Variants in PDGFC observed in about 807,000 individuals in gnomAD.
PDGFC encodes the protein platelet-derived growth factor C.
A neutral mutation model predicts 35.5 loss-of-function variants in PDGFC; 12 were observed. That is an observed-to-expected ratio of 0.34 (90% CI 0.22 to 0.55). The LOEUF (loss-of-function observed/expected upper bound fraction) is 0.55. PDGFC is among the 20% of genes least tolerant of loss of function. PDGFC has a pLI of 0.91. For synonymous variants in PDGFC, 159 were observed against 148.8 expected (o/e 1.07, Z -0.50); for missense variants, 322 against 412.4 (o/e 0.78, Z 1.90).
chr4:156,968,233 A>C (rs1203551545), intron 1 of PDGFC, among the ~76,000 whole-genome samples: 1 of 152,192 alleles, frequency 6.6e-6, no homozygotes, highest in Non-Finnish European at 1.5e-5. Flanking sequence ...AAGAAAAGAG[A>C]GTATCATGAG....
intron 3 of PDGFC, chr4:156,778,125 T>C (rs1730875414): frequency 1.6e-5 from 4 of 252,108 alleles, no homozygotes; most frequent in South Asian, 1.0e-4. Flanking sequence ...AATAAAAAAA[T>C]AAAAAATAAG....
chr4:156,925,666 A>G (rs1184271297), intron 1 of PDGFC, among the ~76,000 whole-genome samples: 1 of 151,934 alleles, frequency 6.6e-6, no homozygotes, highest in African/African-American at 2.4e-5. Flanking sequence ...AGATATAGAT[A>G]CATGGAGATC....
At chr4:156,967,049 A>C (rs1732484403) in intron 1 of PDGFC, among the ~76,000 whole-genome samples, 1 of 151,346 alleles carries the variant, frequency 6.6e-6, no homozygotes, top group Non-Finnish European at 1.5e-5. Context: ...TTTGTAAAAA[A>C]GCCTTTAAAC....
At position 156,971,394 on chromosome 4, in the gene PDGFC, C is replaced by G. The variant is rs1252236764; in HGVS notation, c.-491G>C. 2 of 394,514 alleles carry G rather than the reference C, an allele frequency of 5.1e-6. No homozygotes were observed. Among genetic ancestry groups the G allele is most frequent in the East Asian group, 3.6e-5 (1 of 27,750 alleles). The allele number at this position is 394,514 out of a possible 1,614,324, so 24.4% of individuals were successfully genotyped here. ...CTGCCAATAGATGCGGCTCTCCGGG[C>G]GCCCCTCTCCCCCGCCCCACCCCCC... On this transcript the variant is annotated 5_prime_UTR_variant, in exon 1 of 6. Transcript: ENST00000502773.
intron 5 of PDGFC, among the ~76,000 whole-genome samples, chr4:156,767,486 ATT>A (rs3836683): frequency 1.3e-5 from 2 of 150,626 alleles, no homozygotes; most frequent in African/African-American, 4.9e-5. Flanking sequence ...AACTTTACTC[ATT>A]TTTTTTTCCC....
intron 1 of PDGFC, among the ~76,000 whole-genome samples, chr4:156,857,529 A>T (rs904948809): frequency 3.5e-4 from 53 of 152,190 alleles, no homozygotes; most frequent in African/African-American, 1.2e-3. Context: ...GAACTCAACC[A>T]CCAGCCTCTT....
At chr4:156,938,963 C>T (rs923226963) in intron 1 of PDGFC, among the ~76,000 whole-genome samples, 1 of 151,256 alleles carries the variant, frequency 6.6e-6, no homozygotes, top group Non-Finnish European at 1.5e-5. Context: ...GAGTAAAAAC[C>T]ACAATCCCAT....
rs527805093 is a variant in PDGFC at position 156,967,004 on chromosome 4, G to A, written c.118+3782C>T. Among the ~76,000 whole-genome samples the A allele has an allele frequency of 2.3e-4, 35 of 149,310 alleles. No individual in the cohort carries two copies. The South Asian group carries it at 7.3e-3, about 31-fold the overall frequency. Reference sequence around the variant, plus strand: ...ACTTCCTCAACTATTTCAAACAGCAGAGAACCAGGAGGAAGTTTTTTCTTT... The same window carrying A: ...ACTTCCTCAACTATTTCAAACAGCAAAGAACCAGGAGGAAGTTTTTTCTTT... On this transcript the variant is annotated intron_variant, in intron 1 of 5. Coordinates refer to ENST00000502773, the MANE Select transcript of PDGFC (RefSeq NM_016205.3).
intron 1 of PDGFC, among the ~76,000 whole-genome samples, chr4:156,857,928 CAAAT>C (rs1272209160): frequency 6.6e-6 from 1 of 152,014 alleles, no homozygotes; most frequent in African/African-American, 2.4e-5. Flanking sequence ...GATCCGATCT[CAAAT>C]AACACAATAA....
intron 3 of PDGFC, among the ~76,000 whole-genome samples, chr4:156,809,677 A>G (rs1393423951): frequency 1.3e-5 from 2 of 151,158 alleles, no homozygotes; most frequent in African/African-American, 4.9e-5. Flanking sequence ...TCCTTGGGTT[A>G]TACAACCAGA....
intron 1 of PDGFC, among the ~76,000 whole-genome samples, chr4:156,927,000 T>C (rs1731431461): frequency 6.6e-6 from 1 of 152,170 alleles, no homozygotes; most frequent in African/African-American, 2.4e-5. Flanking sequence ...TCTTCTGAAA[T>C]CTAGGTGGAG....
At chr4:156,922,155 A>AGTGTGTGTGTGTGT (rs3070262) in intron 1 of PDGFC, among the ~76,000 whole-genome samples, 167 of 145,370 alleles carry the variant, frequency 1.1e-3, no homozygotes, top group African/African-American at 4.2e-3. Context: ...AAGGATTCAT[A>AGTGTGTGTGTGTGT]GTGTGTGTGT....
At chr4:156,813,094 G>A (rs983618369) in intron 2 of PDGFC, among the ~76,000 whole-genome samples, 2 of 152,044 alleles carry the variant, frequency 1.3e-5, no homozygotes, top group African/African-American at 4.8e-5. Flanking sequence ...GTTCGGGGAT[G>A]GTGGGTATAG....
rs968298621 is a variant in PDGFC at position 156,971,102 on chromosome 4, T to G, written c.-199A>C. 1.3e-4 allele frequency: 70 copies of G among 552,462 alleles called. No homozygotes were observed. The highest frequency in any genetic ancestry group is 3.0e-5 in the Admixed American group (1 of 33,076). The allele number at this position is 552,462 out of a possible 1,614,324, so 34.2% of individuals were successfully genotyped here. On this transcript the variant is annotated 5_prime_UTR_variant, in exon 1 of 6. Transcript: ENST00000502773. ...AGAGCCCTCTTCTGTGTCTCCAGTT[T>G]TTGAAAAGGATCAAAGCAAAACCTG...
At chr4:156,791,902 A>G (rs984423844) in intron 3 of PDGFC, among the ~76,000 whole-genome samples, 3 of 152,212 alleles carry the variant, frequency 2.0e-5, no homozygotes, top group Non-Finnish European at 4.4e-5. Context: ...CTTGCCTAGG[A>G]TTGGCCTGAA....
chr4:156,772,680 G>C lies in PDGFC; in HGVS notation c.703+6C>G. Reference sequence around the variant, plus strand: ...AATGAGGTTCTAATCTGAAGAGGGAGCTTACCTCTGGATTTTCTTCCAAAA... The same window carrying C: ...AATGAGGTTCTAATCTGAAGAGGGACCTTACCTCTGGATTTTCTTCCAAAA... On this transcript the variant is annotated splice_donor_region_variant and intron_variant, in intron 4 of 5. Coordinates refer to ENST00000502773, the MANE Select transcript of PDGFC (RefSeq NM_016205.3). 1 of 1,592,476 alleles carries C rather than the reference G, an allele frequency of 6.3e-7. No individual in the cohort carries two copies. Among genetic ancestry groups the C allele is most frequent in the East Asian group, 2.2e-5 (1 of 44,714 alleles).
intron 3 of PDGFC, among the ~76,000 whole-genome samples, chr4:156,777,609 A>T (rs1486967250): frequency 6.6e-6 from 1 of 152,184 alleles, no homozygotes; most frequent in Non-Finnish European, 1.5e-5. Context: ...CCCTGATCTC[A>T]ATTTCTAGCA....
At chr4:156,934,535 C>T (rs1389393565) in intron 1 of PDGFC, among the ~76,000 whole-genome samples, 1 of 152,124 alleles carries the variant, frequency 6.6e-6, no homozygotes, top group African/African-American at 2.4e-5. Context: ...GCTTATGCTA[C>T]ACTAAATATA....
intron 1 of PDGFC, among the ~76,000 whole-genome samples, chr4:156,928,356 G>A (rs1731466546): frequency 6.6e-6 from 1 of 152,154 alleles, no homozygotes; most frequent in Non-Finnish European, 1.5e-5. Context: ...CTTGCAAGTA[G>A]CTGGAACTGC....
Sources: gnomAD v4.1 joint callset for allele counts (sites outside exome capture counted in the v4.1 genomes callset) on GRCh38, gnomAD v4.1.1 for gene constraint, MANE v1.5 for transcripts, NCBI Gene and HGNC (gene_info 2026-07-23, HGNC 2026-07-21) for gene names.